SCN4B: variants seen among roughly 807,000 people sequenced by gnomAD.
SCN4B encodes the protein sodium channel regulatory subunit beta-4.
Under a neutral mutation model 19.6 loss-of-function variants are expected in SCN4B, and 20 were observed. That is an observed-to-expected ratio of 1.02 (90% CI 0.72 to 1.48). SCN4B has a LOEUF of 1.48. SCN4B is among the 40% of genes most tolerant of loss of function. The probability of loss-of-function intolerance (pLI) is 0.00; values close to 1 mark genes in which losing one functional copy is unlikely to be tolerated. For missense variants in SCN4B, 271 were observed against 287.5 expected, an observed-to-expected ratio of 0.94 and a Z score of 0.42; for synonymous variants, 127 against 122.8, an observed-to-expected ratio of 1.03 and a Z score of -0.22.
intron 4 of SCN4B, among the ~76,000 whole-genome samples, chr11:118,140,780 G>T (rs1422593978): frequency 6.6e-6 from 1 of 152,150 alleles, no homozygotes; most frequent in African/African-American, 2.4e-5. Context: ...CCTAACAGAA[G>T]AATTTTGTTC....
intron 4 of SCN4B, among the ~76,000 whole-genome samples, chr11:118,140,632 G>A (rs757072073): frequency 2.6e-5 from 4 of 152,152 alleles, no homozygotes; most frequent in Non-Finnish European, 2.9e-5. Flanking sequence ...TGCACCCTCC[G>A]TACCTCCCCC....
At chr11:118,141,623 C>T (rs1948100678) in intron 3 of SCN4B, 1 of 493,148 alleles carries the variant, frequency 2.0e-6, no homozygotes, top group African/African-American at 1.9e-5. Context: ...GAATTGGAGC[C>T]TATAACACTC....
chr11:118,140,181 C>T (rs1275439896), intron 4 of SCN4B, among the ~76,000 whole-genome samples: 3 of 152,320 alleles, frequency 2.0e-5, no homozygotes, highest in South Asian at 2.1e-4. Flanking sequence ...TTAAGCTCCA[C>T]GCTTTTAGCC....
rs1397835400 is a variant in SCN4B at position 118,148,392 on chromosome 11, G to T, written c.62-3163C>A. On this transcript the variant is annotated intron_variant, in intron 1 of 4. Transcript: ENST00000324727. This position sits in a 1 kb window ranked among gnomAD's most constrained non-coding sequence, Gnocchi z 4.0. ...GGAGAGGGGGGAACCAGGGGCAGGT[G>T]TTGGTCCACAAAGGCCGCCGGAGGG... Among the ~76,000 whole-genome samples, 4 of 152,238 alleles carry T rather than the reference G, an allele frequency of 2.6e-5. No homozygotes were observed. Among genetic ancestry groups the T allele is most frequent in the Non-Finnish European group, 4.4e-5 (3 of 68,046 alleles).
In SCN4B at chr11:118,145,185, C is replaced by G; in HGVS notation, c.106G>C (p.Gly36Arg). 6.2e-7 allele frequency: 1 copy of G among 1,602,402 alleles called. No homozygotes were observed. The highest frequency in any genetic ancestry group is 8.5e-7 in the Non-Finnish European group (1 of 1,175,188). Reference sequence around the variant, plus strand: ...ACAGCGTAGATGTCGGTGGCCTTTCCCACAGACACCTCCAGCGACAGGGTT... The same window carrying G: ...ACAGCGTAGATGTCGGTGGCCTTTCGCACAGACACCTCCAGCGACAGGGTT... Reference protein sequence around the residue: ...PVTLSLEVSVGKATDIYAVNG... With the variant: ...PVTLSLEVSVRKATDIYAVNG... Residue 36 changes from glycine (G) to arginine (R), a missense_variant, in exon 2 of 5, where the codon GGA becomes CGA. Transcript: ENST00000324727.
rs1444772191 is a variant in SCN4B at position 118,134,827 on chromosome 11, A to G, written c.*2200T>C. On this transcript the variant is annotated 3_prime_UTR_variant, in exon 5 of 5. Coordinates refer to ENST00000324727, the MANE Select transcript of SCN4B (RefSeq NM_174934.4). Reference sequence around the variant, plus strand: ...CCAAGCCAAAAAGATGTTTTTAGACAAAACTTGCCAAGCCTCACAACAGTC... The same window carrying G: ...CCAAGCCAAAAAGATGTTTTTAGACGAAACTTGCCAAGCCTCACAACAGTC... 2.2e-6 allele frequency: 1 copy of G among 454,112 alleles called. No homozygotes were observed. The highest frequency in any genetic ancestry group is 4.4e-6 in the Non-Finnish European group (1 of 226,786). 28.1% of individuals were successfully genotyped at this position (454,112 alleles called of 1,614,324 possible).
chr11:118,139,044 T>C (rs1948062245), intron 4 of SCN4B, among the ~76,000 whole-genome samples: 1 of 152,094 alleles, frequency 6.6e-6, no homozygotes, highest in Admixed American at 6.5e-5. Flanking sequence ...TCCTTTCTTC[T>C]GTGCTCTCTG....
intron 1 of SCN4B, 108 bp from the exon 2 acceptor site, chr11:118,145,337 C>G: frequency 7.0e-6 from 11 of 1,564,546 alleles, no homozygotes; most frequent in Non-Finnish European, 8.6e-6. Context: ...AGGTCTCTAT[C>G]ACCCTCAGTG....
rs1948156331 is a variant in SCN4B, at chr11:118,145,201, C to A, written c.90G>T (p.Ser30=). The A allele has an allele frequency of 1.2e-6, 2 of 1,613,958 alleles. No individual in the cohort carries two copies. The highest frequency in any genetic ancestry group is 1.7e-6 in the Non-Finnish European group (2 of 1,179,974). ...TGGCCTTTCCCACAGACACCTCCAG[C>A]GACAGGGTTACGGGGAGCAGGAAGA... ...LGLFLLPVTL[S]LEVSVGKATD... Residue 30 remains serine, a synonymous_variant, in exon 2 of 5, where the codon TCG becomes TCT. Transcript: ENST00000324727.
In SCN4B at chr11:118,148,261, C is replaced by T. The variant is rs991207582; in HGVS notation, c.62-3032G>A. On this transcript the variant is annotated intron_variant, in intron 1 of 4. Transcript: ENST00000324727. The surrounding 1 kb of genome is among the most constrained non-coding windows in gnomAD (Gnocchi z 4.0). ...TTCTTCAGTGCACAGCCCTCCCAGT[C>T]GGGAGTCATGCAGTCCTGCCAGTTA... Among the ~76,000 whole-genome samples, 1 of 152,328 alleles carries T rather than the reference C, an allele frequency of 6.6e-6. No homozygotes were observed. The highest frequency in any genetic ancestry group is 1.9e-4 in the East Asian group (1 of 5,182).
Position 118,144,617 on chromosome 11 carries a change from C to T in SCN4B, c.234+440G>A, listed in dbSNP as rs538185340. ...CTAGTGAGTTCACTCCCACCCCCAC[C>T]GCAGCCGCGCCAATGCTCCTGCAGC... On this transcript the variant is annotated intron_variant, in intron 2 of 4. Transcript: ENST00000324727. Among the ~76,000 whole-genome samples, 7 of 152,144 alleles carry T rather than the reference C, an allele frequency of 4.6e-5. No homozygotes were observed. The South Asian group carries it at 6.2e-4, about 14-fold the overall frequency.
At chr11:118,138,466 A>G (rs575626386) in intron 4 of SCN4B, among the ~76,000 whole-genome samples, 5 of 152,302 alleles carry the variant, frequency 3.3e-5, no homozygotes, top group African/African-American at 1.2e-4. Flanking sequence ...AAAGACCTCT[A>G]TTCGGATGGA....
At chr11:118,139,578 T>C (rs1383400643) in intron 4 of SCN4B, among the ~76,000 whole-genome samples, 1 of 146,174 alleles carries the variant, frequency 6.8e-6, no homozygotes, top group Admixed American at 6.9e-5. Flanking sequence ...AATGAACAGA[T>C]AAATGAATGA....
At position 118,149,212 on chromosome 11, in the gene SCN4B, A is replaced by G. The variant is rs75269892; in HGVS notation, c.61+3401T>C. 7.4e-3 allele frequency among the ~76,000 whole-genome samples: 1,125 copies of G among 152,346 alleles called. 18 individuals are homozygous for G. Among genetic ancestry groups the G allele is most frequent in the African/African-American group, 0.026 (1,079 of 41,572 alleles). ...ACCATATATCCCAAGGCAAATGTGGAGGCAGAAAACTTTCCACCACCTTTT... is the reference window on the plus strand; with the variant it reads ...ACCATATATCCCAAGGCAAATGTGGGGGCAGAAAACTTTCCACCACCTTTT... On this transcript the variant is annotated intron_variant, in intron 1 of 4. Transcript: ENST00000324727.
chr11:118,147,878 C>G (rs969091634), intron 1 of SCN4B, among the ~76,000 whole-genome samples: 2 of 152,202 alleles, frequency 1.3e-5, no homozygotes, highest in Non-Finnish European at 2.9e-5. Context: ...CAAATCCGTG[C>G]CCAAATCTCC....
chr11:118,152,684 T>C lies in SCN4B; in HGVS notation c.-11A>G. On this transcript the variant is annotated 5_prime_UTR_variant, in exon 1 of 5. Transcript: ENST00000324727. ...CCCAGCCCCGGGCATAGTCCTGTTC[T>C]CTCCGGAGCGCGCGGGGGTCGCGGG... 6.3e-7 allele frequency: 1 copy of C among 1,579,704 alleles called. No individual in the cohort carries two copies. The highest frequency in any genetic ancestry group is 8.7e-7 in the Non-Finnish European group (1 of 1,155,496).
intron 4 of SCN4B, among the ~76,000 whole-genome samples, chr11:118,137,971 G>C (rs1565453772): frequency 6.6e-6 from 1 of 152,228 alleles, no homozygotes; most frequent in Non-Finnish European, 1.5e-5. Context: ...GGTCTAGGCA[G>C]AGTTTGGTGG....
chr11:118,134,967 A>AT lies in SCN4B; in HGVS notation c.*2059dup, dbSNP rs1256153790. On this transcript the variant is annotated 3_prime_UTR_variant, in exon 5 of 5. Transcript: ENST00000324727. ...GTAGACCCTGGGGAGGAAAGAGAGG[A>AT]TGGTGCCCTTCTTCTCCCTACTCTA... The AT allele has an allele frequency of 1.1e-5, 5 of 453,998 alleles. No homozygotes were observed. The highest frequency in any genetic ancestry group is 9.4e-5 in the Admixed American group (4 of 42,562). 28.1% of individuals were successfully genotyped at this position (453,998 alleles called of 1,614,324 possible). A position where few individuals can be genotyped will look rare whatever the true frequency, so the allele number is the denominator to read the frequency against.
intron 4 of SCN4B, among the ~76,000 whole-genome samples, chr11:118,138,719 G>T (rs550898549): frequency 6.6e-6 from 1 of 152,258 alleles, no homozygotes; most frequent in South Asian, 2.1e-4. Flanking sequence ...AGGAAGGAGG[G>T]ACCCAACCTA....
Sources: gnomAD v4.1 joint callset for allele counts (sites outside exome capture counted in the v4.1 genomes callset) on GRCh38, gnomAD v4.1.1 for gene constraint, Gnocchi (gnomAD v3.1) non-coding constraint, MANE v1.5 for transcripts, NCBI Gene and HGNC (gene_info 2026-07-23, HGNC 2026-07-21) for gene names.